BNIP5: variants seen among roughly 807,000 people sequenced by gnomAD.
BNIP5 encodes BCL2 interacting protein 5.
In BNIP5, 61 loss-of-function variants were observed where a neutral mutation model predicts 67.3. The observed-to-expected ratio is 0.91, with a 90% CI of 0.74 to 1.12. The LOEUF (loss-of-function observed/expected upper bound fraction) is 1.12. BNIP5 is among the 50% of genes most tolerant of loss of function. The pLI, the probability that BNIP5 is intolerant of heterozygous loss-of-function variation, is 0.00. For missense variants in BNIP5, 826 were observed against 816.3 expected, an observed-to-expected ratio of 1.01 and a Z score of -0.14; for synonymous variants, 317 against 319.0, an observed-to-expected ratio of 0.99 and a Z score of 0.07.
chr6:36,327,160 A>G (rs1434735453), intron 3 of BNIP5, 66 bp from the exon 4 acceptor site: 4 of 1,398,254 alleles, frequency 2.9e-6, no homozygotes, highest in Non-Finnish European at 4.1e-6. Context: ...CTAAATTACC[A>G]TCTTGGATAG....
At chr6:36,329,532 C>T (rs573584309) in intron 2 of BNIP5, among the ~76,000 whole-genome samples, 412 of 152,250 alleles carry the variant, frequency 2.7e-3, no homozygotes, top group African/African-American at 8.8e-3. Flanking sequence ...CACAGTGGGC[C>T]GGGCGTGGTG....
At chr6:36,321,707 T>G (rs1244796636) in intron 9 of BNIP5, among the ~76,000 whole-genome samples, 6 of 152,346 alleles carry the variant, frequency 3.9e-5, no homozygotes, top group South Asian at 4.1e-4. Context: ...AGGAAATTTG[T>G]GGACTAGTTG....
chr6:36,324,577 A>T (rs189749829), intron 6 of BNIP5, among the ~76,000 whole-genome samples: 235 of 2,078 alleles, frequency 0.11, 2 homozygotes, highest in East Asian at 0.36. Context: ...CGGTGATATT[A>T]TATATATATA....
intron 4 of BNIP5, 56 bp from the exon 5 acceptor site, chr6:36,326,809 T>A (rs780042717): frequency 2.5e-6 from 4 of 1,605,940 alleles, no homozygotes; most frequent in Non-Finnish European, 3.4e-6. Flanking sequence ...GGGGGAAAGC[T>A]CTCTGGAGGC....
chr6:36,320,689 T>A (rs1471239494), intron 10 of BNIP5, among the ~76,000 whole-genome samples: 4 of 152,186 alleles, frequency 2.6e-5, no homozygotes, highest in Non-Finnish European at 5.9e-5. Flanking sequence ...AGACTGCCTA[T>A]CAGGGGAGAA....
rs1275998156 is a variant in BNIP5, at chr6:36,321,182, T to C, written c.1641A>G (p.Gln547=). Residue 547 remains glutamine (Q), a synonymous_variant, in exon 10 of 12, where the codon CAA becomes CAG. Transcript: ENST00000437635. ...IIIQKLVALL[Q]EVDGQLGQQI... ...GCTGCCCCAGTTGGCCATCCACTTC[T>C]TGGAGAAGTGCCACAAGCTTCTGGA... is the stretch of plus-strand genomic sequence containing the variant. 7 of 1,597,282 alleles carry C rather than the reference T, an allele frequency of 4.4e-6. No individual in the cohort carries two copies. In the South Asian group the frequency reaches 8.0e-5, roughly 18 times the overall value.
In BNIP5 at chr6:36,322,350, G is replaced by A; in HGVS notation, c.1564C>T (p.Pro522Ser). Residue 522 changes from proline to serine, a missense_variant, in exon 9 of 12, where the codon CCA becomes TCA. Pro to Ser is a moderately conservative substitution (Grantham distance 74). Transcript: ENST00000437635. ...EAPSQARGHT[P>S]EGAPQLSGAC... ...CCACTCAGCTGAGGTGCCCCTTCTG[G>A]CGTGTGGCCTCTAGCCTGGGAGGGT... The A allele has an allele frequency of 1.2e-6, 2 of 1,614,194 alleles. No homozygotes were observed. The highest frequency in any genetic ancestry group is 1.7e-6 in the Non-Finnish European group (2 of 1,180,026).
In BNIP5 at chr6:36,316,721, T is replaced by A. The variant is rs534921911; in HGVS notation, c.*635A>T. The A allele has an allele frequency of 1.2e-4, 47 of 398,764 alleles. No individual in the cohort carries two copies. Among genetic ancestry groups the A allele is most frequent in the African/African-American group, 7.8e-4 (38 of 48,752 alleles). 24.7% of individuals were successfully genotyped at this position (398,764 alleles called of 1,614,324 possible). A position where few individuals can be genotyped will look rare whatever the true frequency, so the allele number is the denominator to read the frequency against. ...CCCATGAGATGGGAGAGGTGCAAGG[T>A]ATCAGCTCCATTTCTCTAGTCATAG... is the stretch of plus-strand genomic sequence containing the variant. On this transcript the variant is annotated 3_prime_UTR_variant, in exon 12 of 12. Transcript: ENST00000437635.
intron 1 of BNIP5, among the ~76,000 whole-genome samples, chr6:36,336,286 T>G (rs1363733057): frequency 6.6e-6 from 1 of 152,192 alleles, no homozygotes; most frequent in Non-Finnish European, 1.5e-5. Context: ...CTCATGTACC[T>G]TCACATAAAG....
At chr6:36,325,501 C>T in intron 5 of BNIP5, 87 bp from the exon 6 acceptor site, 1 of 1,482,546 alleles carries the variant, frequency 6.7e-7, no homozygotes, top group African/African-American at 1.4e-5. Flanking sequence ...TAAAAGTGGG[C>T]TCCGTGGCTG....
chr6:36,333,078 C>T (rs1449577159), intron 1 of BNIP5, among the ~76,000 whole-genome samples: 1 of 152,140 alleles, frequency 6.6e-6, no homozygotes, highest in Non-Finnish European at 1.5e-5. Flanking sequence ...GTGTGGGATC[C>T]ACAGGAAAGT....
rs147519316 is a variant in BNIP5, at chr6:36,330,448, G to A, written c.243C>T (p.Thr81=). The part of the protein sequence containing the change: ...TTAAAPTPEE[T]GDFLPSEQRP... ...TCTGCTCGCTGGGGAGAAAATCTCC[G>A]GTCTCCTCGGGAGTGGGGGCTGCAG... The change falls in exon 2 of 12, where the codon ACC becomes ACT. Residue 81 remains threonine (T), a synonymous_variant. Transcript: ENST00000437635. 5.8e-5 allele frequency: 93 copies of A among 1,614,086 alleles called. No homozygotes were observed. The African/African-American group carries it at 6.7e-4, about 12-fold the overall frequency.
At chr6:36,324,283 G>T in intron 6 of BNIP5, 93 bp from the exon 7 acceptor site, 1 of 1,146,414 alleles carries the variant, frequency 8.7e-7, no homozygotes, top group Non-Finnish European at 1.3e-6. Flanking sequence ...GGCTCCCTGG[G>T]TGATTCTCCA....
chr6:36,324,651 T>G (rs1771722609), intron 6 of BNIP5, among the ~76,000 whole-genome samples: 1 of 82,932 alleles, frequency 1.2e-5, no homozygotes, highest in East Asian at 5.1e-4. Context: ...ATATATATGT[T>G]TCTAGGCCTG....
intron 6 of BNIP5, among the ~76,000 whole-genome samples, chr6:36,324,433 C>T (rs966323175): frequency 2.0e-5 from 3 of 151,088 alleles, no homozygotes; most frequent in Non-Finnish European, 4.4e-5. Flanking sequence ...CCATTCCCTA[C>T]AGGTGCCCTC....
intron 1 of BNIP5, among the ~76,000 whole-genome samples, chr6:36,334,357 C>G (rs752963362): frequency 2.0e-5 from 3 of 152,206 alleles, no homozygotes; most frequent in Non-Finnish European, 4.4e-5. Flanking sequence ...TGAAGAGATT[C>G]CAGGGTCTCC....
chr6:36,328,481 T>C lies in BNIP5; in HGVS notation c.727+117A>G, dbSNP rs927507826. The C allele has an allele frequency of 7.3e-6, 5 of 687,678 alleles. No individual in the cohort carries two copies. The African/African-American group carries it at 8.8e-5, about 12-fold the overall frequency. 42.6% of individuals were successfully genotyped at this position (687,678 alleles called of 1,614,324 possible). ...CACCAAAAGAGGCAAGAAAGGCCAGTGCATGTATTTTGAGAACCACCATCC... is the reference window on the plus strand; with the variant it reads ...CACCAAAAGAGGCAAGAAAGGCCAGCGCATGTATTTTGAGAACCACCATCC... On this transcript the variant is annotated intron_variant, in intron 3 of 11. Coordinates refer to ENST00000437635, the MANE Select transcript of BNIP5 (RefSeq NM_001010903.5).
chr6:36,316,781 G>T lies in BNIP5; in HGVS notation c.*575C>A, dbSNP rs944336755. 1.3e-5 allele frequency: 5 copies of T among 399,380 alleles called. No individual in the cohort carries two copies. The highest frequency in any genetic ancestry group is 2.2e-5 in the Non-Finnish European group (5 of 226,732). The allele number at this position is 399,380 out of a possible 1,614,324, so 24.7% of individuals were successfully genotyped here. A position where few individuals can be genotyped will look rare whatever the true frequency, so the allele number is the denominator to read the frequency against. On this transcript the variant is annotated 3_prime_UTR_variant, in exon 12 of 12. Transcript: ENST00000437635. ...ACACAGGGTTAGAAGGATTCTGAGA[G>T]ACCAAGTGTCCCCAGTCTCTAGGTT...
chr6:36,320,330 C>T (rs112115659), intron 10 of BNIP5, among the ~76,000 whole-genome samples: 1 of 152,148 alleles, frequency 6.6e-6, no homozygotes, highest in Non-Finnish European at 1.5e-5. Context: ...ACTCAGGGCA[C>T]CTTGGGAGCT....
Sources: allele counts gnomAD v4.1 joint callset (sites outside exome capture counted in the v4.1 genomes callset), GRCh38; gene constraint gnomAD v4.1.1; transcripts MANE v1.5; gene names NCBI Gene and HGNC (gene_info 2026-07-23, HGNC 2026-07-21).